The following GALNT2 variants were observed in gnomAD, a reference collection of about 807,000 sequenced individuals.
The protein encoded by GALNT2 is polypeptide N-acetylgalactosaminyltransferase 2.
Under a neutral mutation model 81.4 loss-of-function variants are expected in GALNT2, and 31 were observed. The observed-to-expected ratio is 0.38, with a 90% confidence interval of 0.29 to 0.51. The LOEUF is 0.51. Among genes scored for constraint, GALNT2 ranks in the 20% least tolerant of loss-of-function variants. The probability of loss-of-function intolerance (pLI) is 0.87; values close to 1 mark genes in which losing one functional copy is unlikely to be tolerated. For synonymous variants in GALNT2, 303 were observed against 287.4 expected (o/e 1.05, Z -0.55); for missense variants, 629 against 765.7 (o/e 0.82, Z 2.11).
intron 8 of GALNT2, among the ~76,000 whole-genome samples, 193 bp downstream of exon 8, chr1:230,246,343 A>G (rs566548632): frequency 1.3e-5 from 2 of 152,184 alleles, no homozygotes; most frequent in South Asian, 4.1e-4. Context: ...TGCTCCCTTA[A>G]AGAGCTTCCT....
chr1:230,102,000 AATG>A (rs941085929), intron 1 of GALNT2, among the ~76,000 whole-genome samples: 15 of 152,168 alleles, frequency 9.9e-5, no homozygotes, highest in African/African-American at 3.4e-4. Flanking sequence ...TTGTTTTCCG[AATG>A]GTTTTACTGG....
chr1:230,076,438 T>A (rs1354146921), intron 1 of GALNT2, among the ~76,000 whole-genome samples: 1 of 152,054 alleles, frequency 6.6e-6, no homozygotes, highest in Non-Finnish European at 1.5e-5. Flanking sequence ...TCTTTGGGAG[T>A]TGCTGCGGGT....
chr1:230,266,842 G>T (rs1471133561), intron 14 of GALNT2, among the ~76,000 whole-genome samples: 3 of 152,194 alleles, frequency 2.0e-5, no homozygotes, highest in Non-Finnish European at 4.4e-5. Context: ...GTGTGGTTTT[G>T]GTAGAGTTGA....
In GALNT2 at chr1:230,274,567, A is replaced by G. The variant is rs1391495557; in HGVS notation, c.1560+3A>G. 12 of 1,613,620 alleles carry G rather than the reference A, an allele frequency of 7.4e-6. No homozygotes were observed. Among genetic ancestry groups the G allele is most frequent in the Non-Finnish European group, 1.0e-5 (12 of 1,179,828 alleles). On this transcript the variant is annotated splice_donor_region_variant and intron_variant, in intron 15 of 15. Transcript: ENST00000366672. ...GCCGAGAAAATGACAGCAGACAGGT[A>G]CGGCTTGCAGGCACCCGTGGGTGCC... is the stretch of plus-strand genomic sequence containing the variant.
Position 230,138,970 on chromosome 1 carries a change from C to T in GALNT2, c.127-39248C>T, listed in dbSNP as rs535361653. Among the ~76,000 whole-genome samples the T allele has an allele frequency of 6.6e-5, 10 of 152,194 alleles. No individual in the cohort carries two copies. The East Asian group carries it at 9.6e-4, about 15-fold the overall frequency. The stretch of plus-strand genomic sequence containing the variant: ...TCTTGTCTTATCCTGTGACTGAGAA[C>T]GCCTAACCTCCTGGGAATGCAGCCA... On this transcript the variant is annotated intron_variant, in intron 1 of 15. Coordinates refer to ENST00000366672, the MANE Select transcript of GALNT2 (RefSeq NM_004481.5).
intron 1 of GALNT2, among the ~76,000 whole-genome samples, chr1:230,092,185 T>TTGTTTTTTTTTTTTTTG (rs1660110178): frequency 8.7e-6 from 1 of 114,286 alleles, no homozygotes; most frequent in South Asian, 3.0e-4. Flanking sequence ...AGTTTTTTTT[T>TTGTTTTTTTTTTTTTTG]TTTTTTTTTT....
At chr1:230,065,836 G>A (rs938760242), upstream of GALNT2, among the ~76,000 whole-genome samples, 26 of 151,924 alleles carry the variant, frequency 1.7e-4, no homozygotes, top group African/African-American at 5.8e-4. Context: ...TCTTCTTTTC[G>A]TATTTATCTG....
In GALNT2 at chr1:230,130,839, G is replaced by A. The variant is rs973541824; in HGVS notation, c.127-47379G>A. ...CCAGCGAAGCTGCAAACTGGGTCGG[G>A]ATGAAAGCTGAGTGGGCGGGTGGGG... On this transcript the variant is annotated intron_variant, in intron 1 of 15. Coordinates refer to ENST00000366672, the MANE Select transcript of GALNT2 (RefSeq NM_004481.5). 9.9e-5 allele frequency among the ~76,000 whole-genome samples: 15 copies of A among 152,218 alleles called. No homozygotes were observed. In the East Asian group the frequency reaches 2.7e-3, roughly 27 times the overall value.
chr1:230,213,642 A>T (rs1294026413), intron 3 of GALNT2, among the ~76,000 whole-genome samples: 2 of 152,164 alleles, frequency 1.3e-5, no homozygotes, highest in African/African-American at 4.8e-5. Context: ...GTACTAGTTT[A>T]TTGGGGTTTA....
Position 230,251,719 on chromosome 1 carries a change from A to G in GALNT2, c.1009+1159A>G, listed in dbSNP as rs77892490. ...TCCCCTAATGGTTTAGTGGAAATCC[A>G]GCAGGCCAGGGTCGCCCAGTAGGGC... On this transcript the variant is annotated intron_variant, in intron 10 of 15. Transcript: ENST00000366672. Among the ~76,000 whole-genome samples, 242 of 152,366 alleles carry G rather than the reference A, an allele frequency of 1.6e-3. 1 individual carries two copies. The highest frequency in any genetic ancestry group is 5.5e-3 in the African/African-American group (230 of 41,582).
At chr1:230,176,107 G>A (rs2102862560) in intron 1 of GALNT2, among the ~76,000 whole-genome samples, 1 of 152,188 alleles carries the variant, frequency 6.6e-6, no homozygotes, top group South Asian at 2.1e-4. Flanking sequence ...ATATGGGCAT[G>A]AACTCACCCT....
intron 15 of GALNT2, among the ~76,000 whole-genome samples, chr1:230,276,866 G>A (rs1003928482): frequency 5.9e-5 from 9 of 152,110 alleles, no homozygotes; most frequent in Admixed American, 1.3e-4. Flanking sequence ...GAAGCTCCTC[G>A]AGGGCAAGGC....
chr1:230,168,832 G>A (rs1024944628), intron 1 of GALNT2, among the ~76,000 whole-genome samples: 17 of 152,192 alleles, frequency 1.1e-4, no homozygotes, highest in African/African-American at 4.1e-4. Flanking sequence ...AACCAGTATT[G>A]ATATGTTATT....
rs58544942 is a variant in GALNT2 at position 230,252,843 on chromosome 1, C to CTTTTTTTTTTTTTT, written c.1009+2292_1009+2305dup. The stretch of plus-strand genomic sequence containing the variant: ...TTATTTTCTGAAATAGAGACAACTT[C>CTTTTTTTTTTTTTT]TTTTTTTTTTTTTTTTTTTTTTGAG... On this transcript the variant is annotated intron_variant, in intron 10 of 15. Transcript: ENST00000366672. Among the ~76,000 whole-genome samples the CTTTTTTTTTTTTTT allele has an allele frequency of 1.6e-3, 129 of 78,944 alleles. 16 individuals are homozygous for CTTTTTTTTTTTTTT. Among genetic ancestry groups the CTTTTTTTTTTTTTT allele is most frequent in the African/African-American group, 3.1e-3 (60 of 19,604 alleles). The allele number at this position is 78,944 out of a possible 152,430, so 51.8% of individuals were successfully genotyped here. A position where few individuals can be genotyped will look rare whatever the true frequency, so the allele number is the denominator to read the frequency against.
Position 230,241,431 on chromosome 1 carries a change from G to GT in GALNT2, c.608-1864dup, listed in dbSNP as rs112612933. On this transcript the variant is annotated intron_variant, in intron 6 of 15. Coordinates refer to ENST00000366672, the MANE Select transcript of GALNT2 (RefSeq NM_004481.5). ...TTTGTACTTTGCTAGGATGAGTATG[G>GT]TTTTTTTTTTTCGTTTGTTTGTTTG... 9.3e-3 allele frequency among the ~76,000 whole-genome samples: 1,350 copies of GT among 145,186 alleles called. 4 individuals are homozygous for GT. Among genetic ancestry groups the GT allele is most frequent in the Middle Eastern group, 0.011 (3 of 282 alleles).
upstream of GALNT2, among the ~76,000 whole-genome samples, chr1:230,066,029 G>C (rs1183692146): frequency 6.6e-6 from 1 of 152,178 alleles, no homozygotes; most frequent in Non-Finnish European, 1.5e-5. Flanking sequence ...CAATAGTGGA[G>C]GGAGCTCAGT....
intron 1 of GALNT2, among the ~76,000 whole-genome samples, chr1:230,107,988 G>C (rs149307117): frequency 6.6e-6 from 1 of 152,138 alleles, no homozygotes; most frequent in East Asian, 1.9e-4. Flanking sequence ...TGTTACCTGC[G>C]TGCATCATAA....
chr1:230,129,384 C>T (rs971657658), intron 1 of GALNT2, among the ~76,000 whole-genome samples: 3 of 152,178 alleles, frequency 2.0e-5, no homozygotes, highest in South Asian at 2.1e-4. Context: ...GAGGCGTGAT[C>T]GTAGCACCCT....
Position 230,140,502 on chromosome 1 carries a change from G to A in GALNT2, c.127-37716G>A, listed in dbSNP as rs561306120. 1.6e-4 allele frequency among the ~76,000 whole-genome samples: 24 copies of A among 152,316 alleles called. No individual in the cohort carries two copies. In the South Asian group the frequency reaches 4.1e-3, roughly 26 times the overall value. ...GGAGCACAGTGGAGCGTGACTTCCC[G>A]TGAAGCTGCTGTCCGTTGCTATAGA... On this transcript the variant is annotated intron_variant, in intron 1 of 15. Coordinates refer to ENST00000366672, the MANE Select transcript of GALNT2 (RefSeq NM_004481.5).
Sources: gnomAD v4.1 joint callset for allele counts (sites outside exome capture counted in the v4.1 genomes callset) on GRCh38, gnomAD v4.1.1 for gene constraint, MANE v1.5 for transcripts, NCBI Gene and HGNC (gene_info 2026-07-23, HGNC 2026-07-21) for gene names.